PLCZ1: variants seen among roughly 807,000 people sequenced by gnomAD.
PLCZ1 encodes the protein phospholipase C zeta 1, also known as 1-phosphatidylinositol 4,5-bisphosphate phosphodiesterase zeta-1.
PLCZ1 carries 64 observed loss-of-function variants against 76.8 expected under a neutral mutation model. That is an observed-to-expected ratio of 0.83 (90% CI 0.68 to 1.03). The LOEUF (loss-of-function observed/expected upper bound fraction) is 1.03. Among genes scored for constraint, PLCZ1 ranks in the 50% least tolerant of loss-of-function variants. The probability of loss-of-function intolerance (pLI) is 0.00; values close to 1 mark genes in which losing one functional copy is unlikely to be tolerated. For missense variants in PLCZ1, 751 were observed against 713.7 expected, an observed-to-expected ratio of 1.05 and a Z score of -0.60; for synonymous variants, 248 against 230.8, an observed-to-expected ratio of 1.07 and a Z score of -0.68.
chr12:18,706,796 T>C (rs1489766949), intron 6 of PLCZ1, among the ~76,000 whole-genome samples: 1 of 152,248 alleles, frequency 6.6e-6, no homozygotes, highest in Non-Finnish European at 1.5e-5. Context: ...TGTATTGCTC[T>C]GTGGCTGCTG....
chr12:18,660,643 A>G, the PLCZ1 span, among the ~76,000 whole-genome samples: 1 of 152,186 alleles, frequency 6.6e-6, no homozygotes, highest in Non-Finnish European at 1.5e-5. Flanking sequence ...CTTGGCACAG[A>G]GAAGCCTATA....
At chr12:18,692,915 C>G in intron 12 of PLCZ1, 1 of 1,592,036 alleles carries the variant, frequency 6.3e-7, no homozygotes, top group Non-Finnish European at 8.6e-7. Context: ...CAGATGCTGC[C>G]AGCAAACTGC....
chr12:18,725,740 C>T (rs557639909), intron 3 of PLCZ1, among the ~76,000 whole-genome samples: 3 of 152,168 alleles, frequency 2.0e-5, no homozygotes, highest in Non-Finnish European at 4.4e-5. Context: ...AGGTACCAAA[C>T]CATCTCTTGC....
At chr12:18,648,206 G>T in the PLCZ1 span, 2 of 357,174 alleles carry the variant, frequency 5.6e-6, no homozygotes, top group Non-Finnish European at 1.0e-5. Flanking sequence ...TGCTTTCATT[G>T]TTTTTTCATA....
At chr12:18,706,379 A>T (rs1956621581) in intron 6 of PLCZ1, among the ~76,000 whole-genome samples, 1 of 152,222 alleles carries the variant, frequency 6.6e-6, no homozygotes, top group African/African-American at 2.4e-5. Flanking sequence ...TAGAGATTTT[A>T]AAAAGTGAAA....
the PLCZ1 span, among the ~76,000 whole-genome samples, chr12:18,661,372 AAAAAAGAG>A: frequency 9.3e-6 from 1 of 107,290 alleles, no homozygotes; most frequent in East Asian, 2.5e-4. Flanking sequence ...CAAAAATAAA[AAAAAAGAG>A]AGAGAGAGAA....
chr12:18,652,117 T>C, the PLCZ1 span, among the ~76,000 whole-genome samples: 1 of 152,136 alleles, frequency 6.6e-6, no homozygotes, highest in Admixed American at 6.6e-5. Flanking sequence ...CCAAAATTGA[T>C]AGGTTGAAGT....
rs145563034 is a variant in PLCZ1, at chr12:18,713,800, T to C, written c.570-814A>G. On this transcript the variant is annotated intron_variant, in intron 5 of 14. Coordinates refer to ENST00000266505, the MANE Select transcript of PLCZ1 (RefSeq NM_033123.4). The stretch of plus-strand genomic sequence containing the variant: ...AACTATATTTCTGCTTCTGCTGATA[T>C]CTAAAACTGGGCCTGATTTTTCTAC... 974 of 152,352 alleles carry C rather than the reference T, an allele frequency of 6.4e-3. 12 individuals are homozygous for C. The highest frequency in any genetic ancestry group is 0.022 in the African/African-American group (920 of 41,584). 9.4% of individuals were successfully genotyped at this position (152,352 alleles called of 1,614,324 possible). A position where few individuals can be genotyped will look rare whatever the true frequency, so the allele number is the denominator to read the frequency against.
At position 18,701,439 on chromosome 12, in the gene PLCZ1, C is replaced by T. The variant is rs955915948; in HGVS notation, c.1017+62G>A. On this transcript the variant is annotated intron_variant, in intron 9 of 14. Transcript: ENST00000266505. ...TTTCTCCAGAATTTTAAAAAAATCTCCAAGAATAAAATTAGAAAACTTTCC... is the reference window on the plus strand; with the variant it reads ...TTTCTCCAGAATTTTAAAAAAATCTTCAAGAATAAAATTAGAAAACTTTCC... 6 of 1,606,708 alleles carry T rather than the reference C, an allele frequency of 3.7e-6. No individual in the cohort carries two copies. In the African/African-American group the frequency reaches 6.7e-5, roughly 18 times the overall value.
chr12:18,693,289 T>A (rs1298154903), intron 12 of PLCZ1: 2 of 1,523,738 alleles, frequency 1.3e-6, no homozygotes, highest in Non-Finnish European at 1.8e-6. Flanking sequence ...GATCCCCTGG[T>A]CACAGTGATG....
chr12:18,655,819 C>T, the PLCZ1 span, among the ~76,000 whole-genome samples: 30,229 of 97,058 alleles, frequency 0.31, 3,174 homozygotes, highest in Non-Finnish European at 0.33. Flanking sequence ...TTGACTAGTA[C>T]TCCTGAAACT....
intron 12 of PLCZ1, among the ~76,000 whole-genome samples, chr12:18,689,065 G>A (rs1253872167): frequency 6.6e-6 from 1 of 152,100 alleles, no homozygotes; most frequent in Admixed American, 6.6e-5. Flanking sequence ...TACGGCATTA[G>A]CTAGAAGCCA....
At chr12:18,670,528 T>C in the PLCZ1 span, among the ~76,000 whole-genome samples, 1 of 152,198 alleles carries the variant, frequency 6.6e-6, no homozygotes, top group Non-Finnish European at 1.5e-5. Context: ...TTAATCTTAT[T>C]GTCTTCATCT....
intron 6 of PLCZ1, among the ~76,000 whole-genome samples, chr12:18,710,793 T>G (rs1957208410): frequency 6.6e-6 from 1 of 152,264 alleles, no homozygotes; most frequent in Non-Finnish European, 1.5e-5. Flanking sequence ...ATGCTCATCA[T>G]CACTGGCCGT....
intron 13 of PLCZ1, chr12:18,685,801 CT>C: frequency 2.9e-6 from 1 of 346,450 alleles, no homozygotes; most frequent in Non-Finnish European, 6.0e-6. Context: ...CTCTGCCTCC[CT>C]TCCATCCTCC....
chr12:18,673,820 C>T, the PLCZ1 span, among the ~76,000 whole-genome samples: 9 of 152,180 alleles, frequency 5.9e-5, no homozygotes, highest in African/African-American at 2.2e-4. Flanking sequence ...GACTCAGGGC[C>T]TCAGTTGCTC....
the PLCZ1 span, among the ~76,000 whole-genome samples, chr12:18,646,494 G>A: frequency 6.6e-6 from 1 of 152,064 alleles, no homozygotes; most frequent in Non-Finnish European, 1.5e-5. Context: ...CTAACAGATT[G>A]ACCTGGAACT....
chr12:18,686,514 G>T (rs1347663463), intron 13 of PLCZ1, among the ~76,000 whole-genome samples: 1 of 151,150 alleles, frequency 6.6e-6, no homozygotes, highest in Non-Finnish European at 1.5e-5. Context: ...TAGGACTTGT[G>T]TTCTGTCTCT....
chr12:18,693,194 A>T (rs764534469), intron 12 of PLCZ1: 3 of 1,564,210 alleles, frequency 1.9e-6, no homozygotes, highest in Admixed American at 3.3e-5. Context: ...TTTCATTTGC[A>T]GACAAGGATC....
Sources: allele counts gnomAD v4.1 joint callset (sites outside exome capture counted in the v4.1 genomes callset), GRCh38; gene constraint gnomAD v4.1.1; transcripts MANE v1.5; gene names NCBI Gene and HGNC (gene_info 2026-07-23, HGNC 2026-07-21).